The following PLXDC1 variants were observed in gnomAD, a reference collection of about 807,000 sequenced individuals.
The protein encoded by PLXDC1 is plexin domain containing 1.
PLXDC1 carries 39 observed loss-of-function variants against 61.3 expected under a neutral mutation model. That is an observed-to-expected ratio of 0.64 (90% confidence interval 0.49 to 0.83). PLXDC1 has a LOEUF of 0.83. PLXDC1 is among the 40% of genes least tolerant of loss of function. The probability of loss-of-function intolerance (pLI) is 0.00; values close to 1 mark genes in which losing one functional copy is unlikely to be tolerated. For missense variants in PLXDC1, 596 were observed against 666.5 expected (o/e 0.89, Z 1.17); for synonymous variants, 212 against 254.5 (o/e 0.83, Z 1.59).
intron 2 of PLXDC1, chr17:39,111,991 C>G (rs977703045): frequency 1.3e-5 from 2 of 152,254 alleles, no homozygotes; most frequent in African/African-American, 4.8e-5. Context: ...TCCCCATCCT[C>G]CAGGAGAACT....
chr17:39,096,865 T>G, intron 7 of PLXDC1: 1 of 467,214 alleles, frequency 2.1e-6, no homozygotes, highest in Non-Finnish European at 4.5e-6. Flanking sequence ...CCCAGCCACA[T>G]AGCGGATACA....
intron 7 of PLXDC1, among the ~76,000 whole-genome samples, chr17:39,105,064 G>A (rs1910547364): frequency 6.6e-6 from 1 of 152,192 alleles, no homozygotes; most frequent in African/African-American, 2.4e-5. Context: ...AGTTGAGAAT[G>A]CCCCCAGGCC....
intron 7 of PLXDC1, among the ~76,000 whole-genome samples, chr17:39,098,648 C>G (rs370058658): frequency 5.1e-4 from 78 of 152,200 alleles, no homozygotes; most frequent in African/African-American, 1.8e-3. Context: ...AGCGAAGTGC[C>G]GGGGGGAAGA....
rs748286205 is a variant in PLXDC1, at chr17:39,087,744, G to A, written c.812-42C>T. The A allele has an allele frequency of 4.7e-6, 7 of 1,477,074 alleles. No homozygotes were observed. The South Asian group carries it at 8.1e-5, about 17-fold the overall frequency. 91.5% of individuals were successfully genotyped at this position (1,477,074 alleles called of 1,614,324 possible). ...GCCTGTTGTCAGGAGCATATCACAG[G>A]CAGAGGGCATCGAGGCCTCTTCCCG... On this transcript the variant is annotated intron_variant, in intron 7 of 13. Coordinates refer to ENST00000315392, the MANE Select transcript of PLXDC1 (RefSeq NM_020405.5).
chr17:39,119,424 G>T (rs1911088754), intron 2 of PLXDC1, among the ~76,000 whole-genome samples: 1 of 152,132 alleles, frequency 6.6e-6, no homozygotes, highest in African/African-American at 2.4e-5. Flanking sequence ...TGTACCCCAT[G>T]AATATGTACA....
At chr17:39,078,562 A>G (rs552076405) in intron 10 of PLXDC1, among the ~76,000 whole-genome samples, 1 of 152,374 alleles carries the variant, frequency 6.6e-6, no homozygotes, top group Admixed American at 6.5e-5. Flanking sequence ...GCACAGATGA[A>G]TAGACCCATC....
chr17:39,129,688 A>AAAAGAAAGAAAAAAAGAAAGAAGGAAAG, intron 2 of PLXDC1, among the ~76,000 whole-genome samples: 1 of 65,066 alleles, frequency 1.5e-5, no homozygotes, highest in Non-Finnish European at 2.9e-5. Flanking sequence ...AGGGAGAAAG[A>AAAAGAAAGAAAAAAAGAAAGAAGGAAAG]AAAGAAAGAA....
rs185895006 is a variant in PLXDC1, at chr17:39,139,540, G to A, written c.255+114C>T. The A allele has an allele frequency of 3.8e-4, 386 of 1,024,560 alleles. 2 individuals are homozygous for A. The African/African-American group carries it at 5.8e-3, about 15-fold the overall frequency. The allele number at this position is 1,024,560 out of a possible 1,614,324, so 63.5% of individuals were successfully genotyped here. On this transcript the variant is annotated intron_variant, in intron 2 of 13. Transcript: ENST00000315392. ...GATTCTTCTCTCCACCCTGTCCTCC[G>A]GGGCCAACCCCAAATGATATGTGAT...
At chr17:39,141,333 T>G (rs1336775796) in intron 1 of PLXDC1, among the ~76,000 whole-genome samples, 3 of 152,244 alleles carry the variant, frequency 2.0e-5, no homozygotes, top group Admixed American at 6.5e-5. Flanking sequence ...GCGCGCAGCC[T>G]GTATCTATGA....
rs763792502 is a variant in PLXDC1, at chr17:39,070,025, A to G, written c.1223-9T>C. 1.2e-6 allele frequency: 2 copies of G among 1,607,830 alleles called. No homozygotes were observed. The highest frequency in any genetic ancestry group is 1.7e-6 in the Non-Finnish European group (2 of 1,175,268). ...CAGGTTGTTCTGAAGGCCTGTGGAG[A>G]GATCATTAGGGCAGACAGGGGCTGC... On this transcript the variant is annotated splice_polypyrimidine_tract_variant and intron_variant, in intron 12 of 13. Transcript: ENST00000315392.
chr17:39,120,606 G>GTT (rs34244449), intron 2 of PLXDC1, among the ~76,000 whole-genome samples: 13,274 of 132,664 alleles, frequency 0.1, 922 homozygotes, highest in Non-Finnish European at 0.12. Context: ...TTTATTTTAG[G>GTT]TTTTTTTTTT....
At chr17:39,085,310 T>C (rs1234303823) in intron 8 of PLXDC1, among the ~76,000 whole-genome samples, 1 of 151,648 alleles carries the variant, frequency 6.6e-6, no homozygotes, top group African/African-American at 2.4e-5. Context: ...CCTGGGAGAG[T>C]GGATGGAAAG....
chr17:39,117,278 G>C (rs1189859089), intron 2 of PLXDC1, among the ~76,000 whole-genome samples: 1 of 152,164 alleles, frequency 6.6e-6, no homozygotes, highest in Admixed American at 6.5e-5. Flanking sequence ...TGGGTCCCCT[G>C]CCACCTCTGG....
At chr17:39,085,722 G>A (rs540092109) in intron 8 of PLXDC1, among the ~76,000 whole-genome samples, 1 of 152,280 alleles carries the variant, frequency 6.6e-6, no homozygotes, top group East Asian at 1.9e-4. Context: ...TCACCCCTCT[G>A]AAGTAATCTG....
At chr17:39,129,777 A>AAG (rs1567770474) in intron 2 of PLXDC1, among the ~76,000 whole-genome samples, 2 of 116,634 alleles carry the variant, frequency 1.7e-5, no homozygotes, top group Admixed American at 8.0e-5. Flanking sequence ...GAGAGAAAGA[A>AAG]AAAGAAAGAA....
intron 9 of PLXDC1, among the ~76,000 whole-genome samples, chr17:39,082,742 T>C (rs1330263391): frequency 1.3e-5 from 2 of 152,176 alleles, no homozygotes; most frequent in African/African-American, 4.8e-5. Flanking sequence ...TTCCCCCTCC[T>C]CCTGTCATTT....
intron 2 of PLXDC1, among the ~76,000 whole-genome samples, chr17:39,135,625 C>G (rs1332394504): frequency 6.7e-6 from 1 of 150,170 alleles, no homozygotes; most frequent in African/African-American, 2.5e-5. Context: ...TTCAGTAAAC[C>G]GAGAGATTAC....
At chr17:39,113,551 T>C (rs1329636596) in intron 2 of PLXDC1, among the ~76,000 whole-genome samples, 2 of 152,124 alleles carry the variant, frequency 1.3e-5, no homozygotes, top group Non-Finnish European at 2.9e-5. Flanking sequence ...AATAGAAAAT[T>C]GATTTTGGAT....
At chr17:39,100,318 C>T (rs1442597076) in intron 7 of PLXDC1, among the ~76,000 whole-genome samples, 1 of 152,080 alleles carries the variant, frequency 6.6e-6, no homozygotes, top group African/African-American at 2.4e-5. Flanking sequence ...TGAGGTGGTG[C>T]GATCTCAGCT....
Sources: allele counts gnomAD v4.1 joint callset (sites outside exome capture counted in the v4.1 genomes callset), GRCh38; gene constraint gnomAD v4.1.1; transcripts MANE v1.5; gene names NCBI Gene and HGNC (gene_info 2026-07-23, HGNC 2026-07-21).